MACF1: variants seen among roughly 807,000 people sequenced by gnomAD.
MACF1 encodes the protein microtubule actin crosslinking factor 1.
In MACF1, 193 loss-of-function variants were observed where a neutral mutation model predicts 854.8. The observed-to-expected ratio is 0.23, with a 90% confidence interval of 0.20 to 0.25. The LOEUF (loss-of-function observed/expected upper bound fraction) is 0.25, where lower values mean the gene tolerates loss of function less well. Ranked by LOEUF, MACF1 falls within the 10% of genes least tolerant of loss-of-function variation. The pLI, the probability that MACF1 is intolerant of heterozygous loss-of-function variation, is 1.00. For synonymous variants in MACF1, 3,185 were observed against 3,226.7 expected (o/e 0.99, Z 0.44); for missense variants, 7,722 against 8,929.1 (o/e 0.86, Z 5.45).
intron 1 of MACF1, chr1:39,206,534 C>G (rs1245157391): frequency 6.6e-6 from 1 of 152,120 alleles, no homozygotes. Flanking sequence ...AGAGCTATCA[C>G]TGTATTTTAA....
At chr1:39,313,229 G>T (rs1353944444) in intron 26 of MACF1, among the ~76,000 whole-genome samples, 4 of 152,158 alleles carry the variant, frequency 2.6e-5, no homozygotes, top group Non-Finnish European at 5.9e-5. Context: ...TGGTATATTA[G>T]TGTGTCATAT....
At chr1:39,202,255 C>G (rs919774898), upstream of MACF1, among the ~76,000 whole-genome samples, 8 of 150,448 alleles carry the variant, frequency 5.3e-5, no homozygotes, top group Admixed American at 5.3e-4. Flanking sequence ...CGTGAGCCAC[C>G]ACGCCCGGCC....
At chr1:39,308,697 C>G (rs1319348065) in intron 23 of MACF1, among the ~76,000 whole-genome samples, 1 of 151,806 alleles carries the variant, frequency 6.6e-6, no homozygotes, top group African/African-American at 2.4e-5. Flanking sequence ...CTCTTGTTGC[C>G]CAGGCTGGAG....
At chr1:39,100,457 G>A (rs1642041472) in intron 2 of MACF1, among the ~76,000 whole-genome samples, 1 of 152,174 alleles carries the variant, frequency 6.6e-6, no homozygotes, top group African/African-American at 2.4e-5. Flanking sequence ...GATGCTGTGA[G>A]ACAAACATAC....
chr1:39,293,616 C>G lies in MACF1; in HGVS notation c.2151C>G (p.Phe717Leu). The change falls in exon 18 of 101, where the codon TTC becomes TTG. Residue 717 changes from phenylalanine to leucine, a missense_variant. Around this residue, in one of 15 missense-constraint regions of MACF1, gnomAD observed 1,137 missense variants for 1,263.0 expected, o/e 0.90. Transcript: ENST00000564288. Reference sequence around the variant, plus strand: ...ATATCTCAGCCAAGAGAAATTACTTCTCTGTGAGTCTAGCACAGTAGCAGG... The same window carrying G: ...ATATCTCAGCCAAGAGAAATTACTTGTCTGTGAGTCTAGCACAGTAGCAGG... ...NSNISAKRNY[F>L]SELTMELEEK... 2 of 1,612,872 alleles carry G rather than the reference C, an allele frequency of 1.2e-6. No homozygotes were observed. The highest frequency in any genetic ancestry group is 1.3e-5 in the African/African-American group (1 of 75,014).
intron 2 of MACF1, among the ~76,000 whole-genome samples, chr1:39,133,831 A>G (rs1324166419): frequency 2.0e-5 from 3 of 152,126 alleles, no homozygotes; most frequent in African/African-American, 7.2e-5. Flanking sequence ...TTTCTTAAAT[A>G]AATTATTAGG....
intron 23 of MACF1, among the ~76,000 whole-genome samples, chr1:39,308,482 C>G (rs1405645797): frequency 2.0e-5 from 3 of 152,062 alleles, no homozygotes; most frequent in Non-Finnish European, 4.4e-5. Context: ...GTTTTCCATC[C>G]TGTTCTTTAT....
chr1:39,364,023 T>C (rs75622038), intron 49 of MACF1, among the ~76,000 whole-genome samples: 1 of 152,202 alleles, frequency 6.6e-6, no homozygotes, highest in Non-Finnish European at 1.5e-5. Flanking sequence ...ATCCTCAGAA[T>C]AAGTTCCTAG....
At chr1:39,173,351 A>AGAAAG (rs1553155698) in intron 2 of MACF1, among the ~76,000 whole-genome samples, 1 of 126,248 alleles carries the variant, frequency 7.9e-6, no homozygotes, top group Admixed American at 8.9e-5. Flanking sequence ...AAAAAAAAAA[A>AGAAAG]AAAGAAAGAA....
intron 2 of MACF1, among the ~76,000 whole-genome samples, chr1:39,235,249 A>G (rs1021792361): frequency 1.3e-5 from 2 of 152,260 alleles, no homozygotes; most frequent in Non-Finnish European, 2.9e-5. Flanking sequence ...TCCGTCTGCA[A>G]TCCCGGCACC....
chr1:39,198,237 G>A (rs1429129613), intron 2 of MACF1, among the ~76,000 whole-genome samples: 1 of 152,012 alleles, frequency 6.6e-6, no homozygotes, highest in Non-Finnish European at 1.5e-5. Context: ...GGCTGGGCGC[G>A]GTGGCTCATG....
chr1:39,289,693 C>CCTTTTTTTTTTTTTTTT (rs1645730473), intron 15 of MACF1, among the ~76,000 whole-genome samples: 1 of 28,940 alleles, frequency 3.5e-5, no homozygotes, highest in African/African-American at 1.3e-4. Context: ...GTGGGTTGTC[C>CCTTTTTTTTTTTTTTTT]TTTTTTTTTT....
intron 89 of MACF1, 159 bp from the exon 90 acceptor site, chr1:39,458,211 T>C: frequency 1.6e-6 from 1 of 622,118 alleles, no homozygotes; most frequent in South Asian, 2.3e-5. Flanking sequence ...GGGACAAATA[T>C]CCAAACTACA....
chr1:39,309,470 A>ATTAT, intron 23 of MACF1, 100 bp from the exon 24 acceptor site: 4 of 1,395,296 alleles, frequency 2.9e-6, no homozygotes, highest in Non-Finnish European at 3.0e-6. Context: ...TCAACATATA[A>ATTAT]GCTCAATTCT....
chr1:39,415,258 C>G (rs1370277357), intron 58 of MACF1, among the ~76,000 whole-genome samples: 1 of 151,918 alleles, frequency 6.6e-6, no homozygotes, highest in Non-Finnish European at 1.5e-5. Flanking sequence ...TTTCCAGGAC[C>G]TCATTTCTTC....
At chr1:39,184,518 T>C (rs1217119789) in intron 2 of MACF1, among the ~76,000 whole-genome samples, 1 of 152,134 alleles carries the variant, frequency 6.6e-6, no homozygotes, top group African/African-American at 2.4e-5. Flanking sequence ...CAGTTAAGTC[T>C]TGTGGTGGTG....
At chr1:39,181,548 G>A (rs1644105282) in intron 2 of MACF1, among the ~76,000 whole-genome samples, 1 of 151,756 alleles carries the variant, frequency 6.6e-6, no homozygotes, top group East Asian at 1.9e-4. Context: ...TCCAGAAATT[G>A]GCAAGCTGCT....
chr1:39,126,010 C>T (rs1024474365), intron 2 of MACF1, among the ~76,000 whole-genome samples: 18 of 152,270 alleles, frequency 1.2e-4, no homozygotes, highest in Admixed American at 5.2e-4. Context: ...ACAAAGCAAA[C>T]GACAGCAAAA....
At chr1:39,289,705 T>TTTTTTTTTTTTTTG in intron 15 of MACF1, among the ~76,000 whole-genome samples, 1 of 115,110 alleles carries the variant, frequency 8.7e-6, no homozygotes, top group African/African-American at 3.3e-5. Context: ...TTTTTTTTTT[T>TTTTTTTTTTTTTTG]TTTTTTTTTT....
Sources: gnomAD v4.1 joint callset for allele counts (sites outside exome capture counted in the v4.1 genomes callset) on GRCh38, gnomAD v4.1.1 for gene constraint, gnomAD v4.1.1 regional missense constraint, MANE v1.5 for transcripts, NCBI Gene and HGNC (gene_info 2026-07-23, HGNC 2026-07-21) for gene names.